The following KRT82 variants were observed in gnomAD, a reference collection of about 807,000 sequenced individuals.
The protein encoded by KRT82 is keratin, type II cuticular Hb2.
KRT82 carries 44 observed loss-of-function variants against 48.0 expected under a neutral mutation model. The ratio of observed to expected loss-of-function variants is 0.92; its 90% CI spans 0.72 to 1.18. The LOEUF (loss-of-function observed/expected upper bound fraction) is 1.18, where lower values mean the gene tolerates loss of function less well. Among genes scored for constraint, KRT82 ranks in the 50% most tolerant of loss-of-function variants. KRT82 has a pLI of 0.00. For synonymous variants in KRT82, 297 were observed against 278.3 expected, an observed-to-expected ratio of 1.07 and a Z score of -0.67; for missense variants, 701 against 671.4, an observed-to-expected ratio of 1.04 and a Z score of -0.49.
chr12:52,404,866 C>T (rs917588653), intron 1 of KRT82, among the ~76,000 whole-genome samples: 1 of 152,220 alleles, frequency 6.6e-6, no homozygotes. Context: ...ACCGTCATTC[C>T]TCCCCTTCCT....
chr12:52,400,491 C>A, intron 4 of KRT82, 36 bp downstream of exon 4: 7 of 1,523,964 alleles, frequency 4.6e-6, no homozygotes, highest in Non-Finnish European at 5.5e-6. Context: ...TTGGCTCCAG[C>A]CCTGACTAAC....
At chr12:52,405,805 A>G (rs903425444) in intron 1 of KRT82, 62 bp downstream of exon 1, 1 of 1,525,692 alleles carries the variant, frequency 6.6e-7, no homozygotes, top group African/African-American at 1.4e-5. Context: ...TTGGACCAGA[A>G]CAAGACCAGA....
intron 6 of KRT82, 128 bp from the exon 7 acceptor site, chr12:52,396,360 G>T: frequency 1.2e-6 from 1 of 819,134 alleles, no homozygotes; most frequent in African/African-American, 1.7e-5. Context: ...TCCTAGGATT[G>T]CGACATCTGG....
At position 52,400,123 on chromosome 12, in the gene KRT82, G is replaced by T. The variant is rs751572047; in HGVS notation, c.804C>A (p.Ile268=). Residue 268 remains isoleucine, a synonymous_variant, in exon 5 of 9, where the codon ATC becomes ATA. Coordinates refer to ENST00000257974, the MANE Select transcript of KRT82 (RefSeq NM_033033.4). ...EEEICLLQSQ[I]SETSVIVKMD... ...TCTTCACAATGACCGAGGTCTCAGA[G>T]ATCTGAGACTGGAGCAGGCAGATCT... 6 of 1,613,846 alleles carry T rather than the reference G, an allele frequency of 3.7e-6. No individual in the cohort carries two copies. In the African/African-American group the frequency reaches 6.7e-5, roughly 18 times the overall value.
rs751340015 is a variant in KRT82 at position 52,394,169 on chromosome 12, C to A, written c.*806G>T. 11 of 152,222 alleles carry A rather than the reference C, an allele frequency of 7.2e-5. No homozygotes were observed. The highest frequency in any genetic ancestry group is 7.2e-4 in the Admixed American group (11 of 15,296). The allele number at this position is 152,222 out of a possible 1,614,324, so 9.4% of individuals were successfully genotyped here. ...CAAAAGGAGCTAAAGGGTTGGGGAACAGGAAGGGGCGGCTATGTACAGAAG... is the reference window on the plus strand; with the variant it reads ...CAAAAGGAGCTAAAGGGTTGGGGAAAAGGAAGGGGCGGCTATGTACAGAAG... On this transcript the variant is annotated 3_prime_UTR_variant, in exon 9 of 9. Coordinates refer to ENST00000257974, the MANE Select transcript of KRT82 (RefSeq NM_033033.4).
At chr12:52,399,878 C>T in intron 5 of KRT82, 107 bp downstream of exon 5, 2 of 1,141,460 alleles carry the variant, frequency 1.8e-6, no homozygotes, top group Non-Finnish European at 2.5e-6. Context: ...CATGGCGTGG[C>T]TCTCATTAGC....
chr12:52,396,798 A>G, intron 6 of KRT82, 85 bp downstream of exon 6: 1 of 1,495,530 alleles, frequency 6.7e-7, no homozygotes, highest in Non-Finnish European at 9.2e-7. Context: ...CACTCACAGC[A>G]AGGATTGAAC....
At chr12:52,402,614 G>A (rs976919760) in intron 2 of KRT82, among the ~76,000 whole-genome samples, 8 of 152,284 alleles carry the variant, frequency 5.3e-5, no homozygotes, top group African/African-American at 1.7e-4. Context: ...CTGGACTCCC[G>A]CTCTTTCCCT....
Position 52,400,165 on chromosome 12 carries a change from A to G in KRT82, c.778-16T>C. ...GGCAGATCTCCTGGGGGCAGGGCCC[A>G]TGTGAGAAGGAGTGAGCTCTCTGAG... On this transcript the variant is annotated splice_polypyrimidine_tract_variant and intron_variant, in intron 4 of 8. Transcript: ENST00000257974. 1.2e-6 allele frequency: 2 copies of G among 1,608,056 alleles called. No homozygotes were observed. The highest frequency in any genetic ancestry group is 8.5e-7 in the Non-Finnish European group (1 of 1,175,720).
In KRT82 at chr12:52,401,328, C is replaced by G. The variant is rs1939788335; in HGVS notation, c.642G>C (p.Leu214=). The change falls in exon 3 of 9, where the codon CTG becomes CTC. Residue 214 remains leucine, a synonymous_variant. Transcript: ENST00000257974. ...CAAACTCATTCTCAACACAGGGACG[C>G]AGGGAGAGCTCCTCTTCGTATCTGA... is the stretch of plus-strand genomic sequence containing the variant. ...YKKKYEEELS[L]RPCVENEFVA... 1 of 1,614,022 alleles carries G rather than the reference C, an allele frequency of 6.2e-7. No homozygotes were observed. The highest frequency in any genetic ancestry group is 1.3e-5 in the African/African-American group (1 of 74,914).
rs1299128465 is a variant in KRT82, at chr12:52,395,152, C to A, written c.1365G>T (p.Gly455=). The A allele has an allele frequency of 1.2e-6, 2 of 1,613,888 alleles. No individual in the cohort carries two copies. Among genetic ancestry groups the A allele is most frequent in the Non-Finnish European group, 8.5e-7 (1 of 1,179,984 alleles). ...CAGTGCTGAGGACAGGCGTGCTGAC[C>A]CCACATGGCTCGTACAGGAAGGCGC... is the stretch of plus-strand genomic sequence containing the variant. ...SKGAFLYEPC[G]VSTPVLSTGV... is the part of the protein sequence containing the mutation. The change falls in exon 9 of 9, where the codon GGG becomes GGT. Residue 455 remains glycine (G), a synonymous_variant. Transcript: ENST00000257974.
chr12:52,397,348 C>G (rs908677763), intron 5 of KRT82, among the ~76,000 whole-genome samples: 2 of 152,174 alleles, frequency 1.3e-5, no homozygotes, highest in Non-Finnish European at 2.9e-5. Flanking sequence ...TTTAGATATG[C>G]CTCTGGAACT....
intron 2 of KRT82, chr12:52,402,306 TA>T (rs1939800599): frequency 6.6e-6 from 1 of 152,294 alleles, no homozygotes; most frequent in Non-Finnish European, 1.5e-5. Context: ...GTCTCACTTT[TA>T]AAAGCCAAAG....
At position 52,403,878 on chromosome 12, in the gene KRT82, A is replaced by G. The variant is rs1294514085; in HGVS notation, c.443T>C (p.Leu148Pro). ...CTGCATGAAGTTCCACTTGGTCTCC[A>G]GCAGCTTGTTCTTCTGCTCCAGGAA... Reference protein sequence around the residue: ...VRFLEQKNKLLETKWNFMQQQ... With the variant: ...VRFLEQKNKLPETKWNFMQQQ... Residue 148 changes from leucine (L) to proline (P), a missense_variant, in exon 2 of 9, where the codon CTG becomes CCG. Leu to Pro is a moderately conservative substitution (Grantham distance 98). Coordinates refer to ENST00000257974, the MANE Select transcript of KRT82 (RefSeq NM_033033.4). 3.1e-6 allele frequency: 5 copies of G among 1,614,008 alleles called. No homozygotes were observed. The East Asian group carries it at 1.1e-4, about 36-fold the overall frequency.
intron 1 of KRT82, among the ~76,000 whole-genome samples, chr12:52,405,442 C>A (rs1315578714): frequency 6.6e-6 from 1 of 152,196 alleles, no homozygotes; most frequent in African/African-American, 2.4e-5. Context: ...TCTGAGGTCA[C>A]AGTGTCCATC....
chr12:52,397,835 T>C (rs935634786), intron 5 of KRT82, among the ~76,000 whole-genome samples: 1 of 152,132 alleles, frequency 6.6e-6, no homozygotes, highest in African/African-American at 2.4e-5. Flanking sequence ...TCATTTGAGG[T>C]CAAGAGTTCA....
Position 52,395,036 on chromosome 12 carries a change from C to T in KRT82, c.1481G>A (p.Ser494Asn), listed in dbSNP as rs773464151. Residue 494 changes from serine (S) to asparagine (N), a missense_variant, in exon 9 of 9, where the codon AGC becomes AAC. Coordinates refer to ENST00000257974, the MANE Select transcript of KRT82 (RefSeq NM_033033.4). ...CEPQGLLSCG[S>N]GRKSSMTLGA... The stretch of plus-strand genomic sequence containing the variant: ...TAGCGTCATGCTGGATTTCCGCCCG[C>T]TCCCACAGCTCAGTAGCCCCTGGGG... 1.9e-6 allele frequency: 3 copies of T among 1,614,040 alleles called. No individual in the cohort carries two copies. Among genetic ancestry groups the T allele is most frequent in the Admixed American group, 3.3e-5 (2 of 60,022 alleles).
rs142583496 is a variant in KRT82, at chr12:52,406,169, G to A, written c.109C>T (p.Pro37Ser). ...CCCCTACCACCCCCGGGCCGGCATG[G>A]CCCCTTGCTCACTGCATAGTGGGTG... ...MVTHYAVSKGPCRPGGGRGLR... is the reference protein window; with the variant it reads ...MVTHYAVSKGSCRPGGGRGLR... The change falls in exon 1 of 9, where the codon CCA becomes TCA. Residue 37 changes from proline (P) to serine (S), a missense_variant. Transcript: ENST00000257974. 1.1e-5 allele frequency: 18 copies of A among 1,613,282 alleles called. No homozygotes were observed. The highest frequency in any genetic ancestry group is 1.5e-5 in the Non-Finnish European group (18 of 1,179,888).
chr12:52,395,176 G>A lies in KRT82; in HGVS notation c.1341C>T (p.Gly447=), dbSNP rs373091404. 29 of 1,613,724 alleles carry A rather than the reference G, an allele frequency of 1.8e-5. No individual in the cohort carries two copies. Among genetic ancestry groups the A allele is most frequent in the Middle Eastern group, 1.6e-4 (1 of 6,080 alleles). ...CCCCACATGGCTCGTACAGGAAGGC[G>A]CCTTTGGAGCTGCTCACTGCTGTGG... ...PVNISVSSSK[G]AFLYEPCGVS... The change falls in exon 9 of 9, where the codon GGC becomes GGT. Residue 447 remains glycine (G), a synonymous_variant. Transcript: ENST00000257974.
Sources: gnomAD v4.1 joint callset for allele counts (sites outside exome capture counted in the v4.1 genomes callset) on GRCh38, gnomAD v4.1.1 for gene constraint, MANE v1.5 for transcripts, NCBI Gene and HGNC (gene_info 2026-07-23, HGNC 2026-07-21) for gene names.